Variants in GTF2E2 observed in about 807,000 individuals in gnomAD.
GTF2E2 encodes transcription initiation factor IIE subunit beta.
A neutral mutation model predicts 40.5 loss-of-function variants in GTF2E2; 21 were observed. The observed-to-expected ratio is 0.52, with a 90% CI of 0.37 to 0.75. The LOEUF (loss-of-function observed/expected upper bound fraction) is 0.75, where lower values mean the gene tolerates loss of function less well. Among genes scored for constraint, GTF2E2 ranks in the 30% least tolerant of loss-of-function variants. GTF2E2 has a pLI of 0.00. For synonymous variants in GTF2E2, 117 were observed against 121.6 expected (o/e 0.96, Z 0.25); for missense variants, 298 against 338.4 (o/e 0.88, Z 0.94).
intron 3 of GTF2E2, among the ~76,000 whole-genome samples, chr8:30,624,952 A>C (rs1801222756): frequency 8.4e-6 from 1 of 118,652 alleles, no homozygotes; most frequent in Non-Finnish European, 1.8e-5. Context: ...TGTCATCTGC[A>C]AACAGGGACA....
rs562057197 is a variant in GTF2E2, at chr8:30,615,881, T to A, written c.259-1166A>T. Among the ~76,000 whole-genome samples, 9 of 152,306 alleles carry A rather than the reference T, an allele frequency of 5.9e-5. 1 individual carries two copies. The South Asian group carries it at 1.9e-3, about 32-fold the overall frequency. ...TACAAAAATCCACTAAGGATGCTTA[T>A]TACAGCTTTATCCATAATTGCCAAA... On this transcript the variant is annotated intron_variant, in intron 3 of 7. Transcript: ENST00000355904.
chr8:30,646,979 CAAAAAAAAAAAA>C (rs56762565), intron 2 of GTF2E2, among the ~76,000 whole-genome samples: 3 of 51,212 alleles, frequency 5.9e-5, no homozygotes, highest in East Asian at 8.9e-4. Context: ...GACTCCGTCT[CAAAAAAAAAAAA>C]AAAAAAAAAA....
chr8:30,605,386 T>A (rs916234928), intron 6 of GTF2E2, among the ~76,000 whole-genome samples: 8 of 151,972 alleles, frequency 5.3e-5, no homozygotes, highest in African/African-American at 1.9e-4. Context: ...AACAATAGCA[T>A]AAGCATATTA....
At chr8:30,617,008 T>C (rs1216554696) in intron 3 of GTF2E2, among the ~76,000 whole-genome samples, 2 of 151,684 alleles carry the variant, frequency 1.3e-5, no homozygotes, top group African/African-American at 4.9e-5. Context: ...GGGGAGAAAA[T>C]GAGTAGGATG....
intron 2 of GTF2E2, chr8:30,637,357 A>T (rs762749460): frequency 8.6e-5 from 39 of 451,598 alleles, no homozygotes; most frequent in Non-Finnish European, 1.7e-4. Context: ...TGTGCTTATG[A>T]GACATGATGC....
rs557673619 is a variant in GTF2E2, at chr8:30,609,357, G to A, written c.550-2207C>T. ...TTTCAACTCTGGAATGTTTAAACTG[G>A]TATAATGAAAATATCCCAAAATTTG... On this transcript the variant is annotated intron_variant, in intron 5 of 7. Transcript: ENST00000355904. 2.6e-3 allele frequency among the ~76,000 whole-genome samples: 398 copies of A among 150,656 alleles called. 2 individuals carry two copies. The highest frequency in any genetic ancestry group is 3.9e-3 in the Non-Finnish European group (262 of 67,798).
At chr8:30,637,087 G>C (rs998372282) in intron 2 of GTF2E2, 1 of 396,724 alleles carries the variant, frequency 2.5e-6, no homozygotes, top group African/African-American at 2.1e-5. Context: ...AAAATTGAGG[G>C]TAGTAAGCAG....
At chr8:30,598,227 T>C (rs753410335) in intron 6 of GTF2E2, among the ~76,000 whole-genome samples, 1 of 152,234 alleles carries the variant, frequency 6.6e-6, no homozygotes, top group African/African-American at 2.4e-5. Flanking sequence ...TTTCTACCAC[T>C]GCAAAATTTC....
At position 30,612,492 on chromosome 8, in the gene GTF2E2, G is replaced by T. The variant is rs372848010; in HGVS notation, c.367-11C>A. On this transcript the variant is annotated splice_polypyrimidine_tract_variant and intron_variant, in intron 4 of 7. Transcript: ENST00000355904. ...ATTGTTGACTAAAGCCTGTAACAGT[G>T]ATACAATTGGAATATATTAACAAAT... 4.7e-6 allele frequency: 7 copies of T among 1,500,204 alleles called. No individual in the cohort carries two copies. In the African/African-American group the frequency reaches 9.7e-5, roughly 21 times the overall value. The allele number at this position is 1,500,204 out of a possible 1,614,324, so 92.9% of individuals were successfully genotyped here. A position where few individuals can be genotyped will look rare whatever the true frequency, so the allele number is the denominator to read the frequency against.
chr8:30,623,247 CAA>C (rs769928396), intron 3 of GTF2E2, among the ~76,000 whole-genome samples: 1 of 152,126 alleles, frequency 6.6e-6, no homozygotes, highest in African/African-American at 2.4e-5. Context: ...TCCCGCAACA[CAA>C]GTGTTCTCAC....
intron 6 of GTF2E2, among the ~76,000 whole-genome samples, chr8:30,596,440 A>G (rs1214457594): frequency 6.6e-6 from 1 of 152,068 alleles, no homozygotes; most frequent in Non-Finnish European, 1.5e-5. Context: ...CATTTTTAGC[A>G]TTTATTTTAT....
chr8:30,599,700 T>C (rs1829118051), intron 6 of GTF2E2, among the ~76,000 whole-genome samples: 1 of 150,660 alleles, frequency 6.6e-6, no homozygotes, highest in Admixed American at 6.6e-5. Context: ...AAAATAACGA[T>C]CAGGCAGGGC....
Position 30,614,592 on chromosome 8 carries a change from T to A in GTF2E2, c.366+16A>T. 7.8e-7 allele frequency: 1 copy of A among 1,281,792 alleles called. No individual in the cohort carries two copies. Among genetic ancestry groups the A allele is most frequent in the Non-Finnish European group, 1.1e-6 (1 of 886,634 alleles). 79.4% of individuals were successfully genotyped at this position (1,281,792 alleles called of 1,614,324 possible). On this transcript the variant is annotated intron_variant, in intron 4 of 7. Transcript: ENST00000355904. ...AGTTACAGGAAATCTCTCTTGATAATCAACTAAATTCTTACCTCAGTCATT... is the reference window on the plus strand; with the variant it reads ...AGTTACAGGAAATCTCTCTTGATAAACAACTAAATTCTTACCTCAGTCATT...
chr8:30,600,937 C>T (rs1049781437), intron 6 of GTF2E2, among the ~76,000 whole-genome samples: 1 of 152,156 alleles, frequency 6.6e-6, no homozygotes, highest in Non-Finnish European at 1.5e-5. Flanking sequence ...TGGAACGAAA[C>T]GAAAATCTTC....
intron 6 of GTF2E2, among the ~76,000 whole-genome samples, chr8:30,586,705 G>A (rs531391252): frequency 1.7e-3 from 261 of 152,262 alleles, no homozygotes; most frequent in African/African-American, 6.0e-3. Flanking sequence ...ATGAACCCAT[G>A]CATTTACAAT....
chr8:30,607,777 C>A (rs1829362328), intron 5 of GTF2E2, among the ~76,000 whole-genome samples: 1 of 152,160 alleles, frequency 6.6e-6, no homozygotes, highest in South Asian at 2.1e-4. Flanking sequence ...ATAATAGAAT[C>A]TTGGTGTTCT....
At chr8:30,584,141 A>T (rs893667553) in intron 6 of GTF2E2, among the ~76,000 whole-genome samples, 3 of 150,480 alleles carry the variant, frequency 2.0e-5, no homozygotes, top group African/African-American at 7.3e-5. Flanking sequence ...CAAACATCCC[A>T]GCTCTAATCA....
At chr8:30,654,700 C>T (rs1802399831) in intron 1 of GTF2E2, among the ~76,000 whole-genome samples, 1 of 152,190 alleles carries the variant, frequency 6.6e-6, no homozygotes, top group South Asian at 2.1e-4. Context: ...CCACTGCACC[C>T]AGCCTAGAAT....
intron 3 of GTF2E2, among the ~76,000 whole-genome samples, chr8:30,633,916 A>G (rs940543407): frequency 3.9e-5 from 6 of 152,244 alleles, no homozygotes; most frequent in African/African-American, 1.4e-4. Context: ...ATTTAGACTC[A>G]GCTAGACACT....
Sources: gnomAD v4.1 joint callset for allele counts (sites outside exome capture counted in the v4.1 genomes callset) on GRCh38, gnomAD v4.1.1 for gene constraint, MANE v1.5 for transcripts, NCBI Gene and HGNC (gene_info 2026-07-23, HGNC 2026-07-21) for gene names.